UPP2: variants seen among roughly 807,000 people sequenced by gnomAD.
UPP2 encodes the protein uridine phosphorylase 2.
Under a neutral mutation model 26.7 loss-of-function variants are expected in UPP2, and 23 were observed. That is an observed-to-expected ratio of 0.86 (90% CI 0.62 to 1.22). The LOEUF is 1.22. Ranked by LOEUF, UPP2 falls within the 50% of genes most tolerant of loss-of-function variation. The pLI is 0.00. For missense variants in UPP2, 387 were observed against 396.7 expected (o/e 0.98, Z 0.21); for synonymous variants, 127 against 141.3 (o/e 0.90, Z 0.72).
intron 1 of UPP2, among the ~76,000 whole-genome samples, chr2:158,105,684 C>A (rs187385772): frequency 6.6e-6 from 1 of 152,272 alleles, no homozygotes; most frequent in East Asian, 1.9e-4. Flanking sequence ...AATCCAGAGC[C>A]CAGTAGTTTA....
chr2:158,037,059 A>G (rs1468096983), intron 3 of UPP2, among the ~76,000 whole-genome samples: 1 of 152,096 alleles, frequency 6.6e-6, no homozygotes, highest in Non-Finnish European at 1.5e-5. Context: ...CCAGGCTCTG[A>G]CTTGACATAA....
At chr2:158,099,217 G>A (rs911574445), upstream of UPP2, among the ~76,000 whole-genome samples, 2 of 152,174 alleles carry the variant, frequency 1.3e-5, no homozygotes, top group African/African-American at 4.8e-5. Context: ...GCACTTCCTA[G>A]ACTTCCTGGA....
In UPP2 at chr2:158,051,510, C is replaced by T. The variant is rs1482863206; in HGVS notation, c.147+35624C>T. 7.2e-5 allele frequency among the ~76,000 whole-genome samples: 11 copies of T among 152,130 alleles called. No homozygotes were observed. In the South Asian group the frequency reaches 1.5e-3, roughly 20 times the overall value. ...TAAATAACAACTACATGGTCAGGGG[C>T]GGTGGCTCACGCCTGTAATCCCAGC... On this transcript the variant is annotated intron_variant, in intron 3 of 9. Transcript: ENST00000605860.
intron 2 of UPP2, among the ~76,000 whole-genome samples, chr2:158,109,280 C>T (rs940980647): frequency 6.6e-6 from 1 of 152,130 alleles, no homozygotes; most frequent in African/African-American, 2.4e-5. Flanking sequence ...AAACTTCAGA[C>T]TCCAGCAATC....
Position 158,121,436 on chromosome 2 carries a change from CGGATATA to C in UPP2, c.484_490del (p.Asp162LeufsTer2). On this transcript the variant is annotated frameshift_variant, in exon 5 of 7. Transcript: ENST00000005756. LOFTEE classifies it high-confidence loss of function. ...ATTGCACCAGGGACTGTTGTAATAA[CGGATATA>C]GCTGTAGACTCCTTCTTTAAGCCCC... The C allele has an allele frequency of 6.2e-7, 1 of 1,613,122 alleles. No homozygotes were observed. Among genetic ancestry groups the C allele is most frequent in the Non-Finnish European group, 8.5e-7 (1 of 1,179,204 alleles).
chr2:158,055,202 C>T (rs528545334), intron 3 of UPP2, among the ~76,000 whole-genome samples: 22 of 152,270 alleles, frequency 1.4e-4, no homozygotes, highest in African/African-American at 4.6e-4. Context: ...AGTCCCAAGG[C>T]GGTGCAGGGT....
At chr2:158,111,291 C>T (rs558115459) in intron 2 of UPP2, among the ~76,000 whole-genome samples, 76 of 152,184 alleles carry the variant, frequency 5.0e-4, no homozygotes, top group Middle Eastern at 6.8e-3. Context: ...AGTTTTTATA[C>T]ACTTTGAATG....
At chr2:158,112,937 C>T (rs951922752) in intron 2 of UPP2, among the ~76,000 whole-genome samples, 1 of 152,152 alleles carries the variant, frequency 6.6e-6, no homozygotes, top group Admixed American at 6.6e-5. Context: ...AAAACCAGGA[C>T]AATTGATCAT....
At chr2:158,029,956 T>A (rs1208735973) in intron 3 of UPP2, among the ~76,000 whole-genome samples, 2 of 152,184 alleles carry the variant, frequency 1.3e-5, no homozygotes, top group Admixed American at 1.3e-4. Flanking sequence ...TTCCTTAGGG[T>A]AGTCCTTCAA....
intron 1 of UPP2, among the ~76,000 whole-genome samples, chr2:158,104,936 G>GGAAGGGAAGA (rs1683150094): frequency 1.7e-5 from 1 of 57,928 alleles, no homozygotes; most frequent in Non-Finnish European, 3.4e-5. Flanking sequence ...GGAAGGGAAG[G>GGAAGGGAAGA]GAAGGGAAGG....
intron 3 of UPP2, among the ~76,000 whole-genome samples, chr2:158,049,653 ACT>A (rs1242345059): frequency 6.6e-6 from 1 of 151,920 alleles, no homozygotes; most frequent in Non-Finnish European, 1.5e-5. Flanking sequence ...AGACTAATAC[ACT>A]CTGCGGGGAG....
chr2:158,067,943 A>G (rs1420320809), intron 3 of UPP2, among the ~76,000 whole-genome samples: 1 of 152,182 alleles, frequency 6.6e-6, no homozygotes, highest in Non-Finnish European at 1.5e-5. Flanking sequence ...TATATTACAT[A>G]TTATACATAT....
intron 2 of UPP2, among the ~76,000 whole-genome samples, chr2:158,010,748 T>C (rs898456589): frequency 1.6e-4 from 23 of 146,420 alleles, no homozygotes; most frequent in Non-Finnish European, 6.0e-5. Context: ...AGAGCATCAT[T>C]AGCTCCCTCT....
intron 2 of UPP2, among the ~76,000 whole-genome samples, chr2:157,995,598 C>T (rs1411260365): frequency 6.6e-6 from 1 of 151,956 alleles, no homozygotes; most frequent in Non-Finnish European, 1.5e-5. Flanking sequence ...TAGTTGACCA[C>T]TCTAACGATC....
rs145353544 is a variant in UPP2, at chr2:158,024,925, G to C, written c.147+9039G>C. Among the ~76,000 whole-genome samples, 694 of 152,286 alleles carry C rather than the reference G, an allele frequency of 4.6e-3. 6 individuals are homozygous for C. The highest frequency in any genetic ancestry group is 0.016 in the African/African-American group (665 of 41,546). The stretch of plus-strand genomic sequence containing the variant: ...TAATCAAGATCAGAAAATAGGGCCA[G>C]GTGCAGTGGCTCACACCTGTAATCC... On this transcript the variant is annotated intron_variant, in intron 3 of 9. Transcript: ENST00000605860.
chr2:158,096,173 G>C (rs1024710024), intron 3 of UPP2, among the ~76,000 whole-genome samples: 4 of 152,138 alleles, frequency 2.6e-5, no homozygotes, highest in African/African-American at 9.7e-5. Flanking sequence ...TTTACGCTTT[G>C]GTCACACTGT....
chr2:158,060,423 G>C (rs1307335047), intron 3 of UPP2, among the ~76,000 whole-genome samples: 6 of 152,098 alleles, frequency 3.9e-5, no homozygotes, highest in African/African-American at 7.2e-5. Context: ...TATGATAGTG[G>C]GTAATTGAGA....
intron 2 of UPP2, among the ~76,000 whole-genome samples, chr2:158,108,209 T>G (rs1683235031): frequency 6.6e-6 from 1 of 152,192 alleles, no homozygotes; most frequent in Non-Finnish European, 1.5e-5. Flanking sequence ...TTTCTATATA[T>G]CAGACTCTGT....
intron 2 of UPP2, among the ~76,000 whole-genome samples, chr2:158,004,902 TGATA>T (rs1683465203): frequency 6.6e-6 from 1 of 152,230 alleles, no homozygotes; most frequent in African/African-American, 2.4e-5. Context: ...TGCAGATGCT[TGATA>T]AATAGAAGCC....
Sources: allele counts gnomAD v4.1 joint callset (sites outside exome capture counted in the v4.1 genomes callset), GRCh38; gene constraint gnomAD v4.1.1; transcripts MANE v1.5; gene names NCBI Gene and HGNC (gene_info 2026-07-23, HGNC 2026-07-21).